The following COL5A2 variants were observed in gnomAD, a reference collection of about 807,000 sequenced individuals.
COL5A2 encodes collagen type V alpha 2 chain.
Under a neutral mutation model 208.2 loss-of-function variants are expected in COL5A2, and 23 were observed. That is an observed-to-expected ratio of 0.11 (90% CI 0.08 to 0.16). The LOEUF is 0.16. COL5A2 is among the 10% of genes least tolerant of loss of function. The pLI, the probability that COL5A2 is intolerant of heterozygous loss-of-function variation, is 1.00. For synonymous variants in COL5A2, 625 were observed against 628.5 expected (o/e 0.99, Z 0.08); for missense variants, 1,590 against 1,956.4 (o/e 0.81, Z 3.53).
In COL5A2 at chr2:189,034,233, C is replaced by G; in HGVS notation, c.4354-17G>C. 1 of 1,613,588 alleles carries G rather than the reference C, an allele frequency of 6.2e-7. No homozygotes were observed. Among genetic ancestry groups the G allele is most frequent in the Non-Finnish European group, 8.5e-7 (1 of 1,179,796 alleles). On this transcript the variant is annotated splice_polypyrimidine_tract_variant and intron_variant, in intron 53 of 53. Coordinates refer to ENST00000374866, the MANE Select transcript of COL5A2 (RefSeq NM_000393.5). ...ATTCCGCTTCTGAAATTAAATGATG[C>G]AATGGGTTAAATGTACATACAATTT... is the stretch of plus-strand genomic sequence containing the variant.
chr2:189,323,233 T>G, the COL5A2 span, among the ~76,000 whole-genome samples: 1 of 152,094 alleles, frequency 6.6e-6, no homozygotes, highest in Admixed American at 6.6e-5. Context: ...GGGCAAAAAC[T>G]GGGAGCATTC....
At chr2:189,433,941 C>G in the COL5A2 span, among the ~76,000 whole-genome samples, 1 of 152,198 alleles carries the variant, frequency 6.6e-6, no homozygotes, top group Non-Finnish European at 1.5e-5. Flanking sequence ...CAATAAAATA[C>G]TGGCAAACCA....
chr2:189,274,064 C>G, the COL5A2 span, among the ~76,000 whole-genome samples: 7 of 151,930 alleles, frequency 4.6e-5, no homozygotes, highest in Non-Finnish European at 1.0e-4. Flanking sequence ...CTTGATTTAG[C>G]TGTTCTACAA....
At chr2:189,178,413 T>C (rs1688718357) in intron 1 of COL5A2, among the ~76,000 whole-genome samples, 1 of 151,942 alleles carries the variant, frequency 6.6e-6, no homozygotes, top group Non-Finnish European at 1.5e-5. Flanking sequence ...TGTATGTATG[T>C]GTCTATATAT....
At chr2:189,317,197 G>C in the COL5A2 span, among the ~76,000 whole-genome samples, 1 of 152,024 alleles carries the variant, frequency 6.6e-6, no homozygotes, top group African/African-American at 2.4e-5. Context: ...AGGTTCCTAA[G>C]ATTACTTTAT....
the COL5A2 span, among the ~76,000 whole-genome samples, chr2:189,258,059 A>G: frequency 6.6e-6 from 1 of 152,164 alleles, no homozygotes; most frequent in East Asian, 1.9e-4. Flanking sequence ...GCTTGCAGTG[A>G]GCCGATATCG....
intron 1 of COL5A2, among the ~76,000 whole-genome samples, chr2:189,189,629 G>T (rs1246133177): frequency 1.3e-5 from 2 of 152,054 alleles, no homozygotes; most frequent in Non-Finnish European, 2.9e-5. Flanking sequence ...TCCAGCCTGG[G>T]TAACAGTACA....
At chr2:189,035,704 T>G (rs1464026477) in intron 52 of COL5A2, among the ~76,000 whole-genome samples, 3 of 152,160 alleles carry the variant, frequency 2.0e-5, no homozygotes, top group African/African-American at 4.8e-5. Context: ...CAACTATTTA[T>G]ATTTAAAATT....
At chr2:189,364,177 A>G in the COL5A2 span, among the ~76,000 whole-genome samples, 14 of 152,220 alleles carry the variant, frequency 9.2e-5, no homozygotes, top group Non-Finnish European at 1.9e-4. Flanking sequence ...AATTTTGTGA[A>G]ATAGTATTTA....
chr2:189,329,694 C>A, the COL5A2 span, among the ~76,000 whole-genome samples: 25 of 152,164 alleles, frequency 1.6e-4, no homozygotes, highest in African/African-American at 6.0e-4. Context: ...ACCTCTTAAG[C>A]TCTCAAAACC....
intron 44 of COL5A2, among the ~76,000 whole-genome samples, chr2:189,048,623 A>G (rs1314413499): frequency 6.6e-6 from 1 of 152,240 alleles, no homozygotes; most frequent in East Asian, 1.9e-4. Context: ...AAATATCCTT[A>G]AAGTTTTGAA....
At chr2:189,201,593 C>T (rs1689068618) in intron 1 of COL5A2, among the ~76,000 whole-genome samples, 1 of 151,816 alleles carries the variant, frequency 6.6e-6, no homozygotes, top group African/African-American at 2.4e-5. Context: ...TAGAAATTAC[C>T]TTGATTCTAA....
the COL5A2 span, among the ~76,000 whole-genome samples, chr2:189,294,090 G>GAAA: frequency 6.2e-4 from 30 of 48,154 alleles, no homozygotes; most frequent in South Asian, 1.3e-3. Flanking sequence ...TCCGTCTCAA[G>GAAA]AAAAAAAAAA....
the COL5A2 span, among the ~76,000 whole-genome samples, chr2:189,398,870 A>T: frequency 6.6e-6 from 1 of 152,092 alleles, no homozygotes; most frequent in Admixed American, 6.6e-5. Context: ...TTAGTTACAC[A>T]TTCTTTTTAC....
chr2:189,069,519 G>C (rs1686224808), intron 18 of COL5A2, among the ~76,000 whole-genome samples: 1 of 152,124 alleles, frequency 6.6e-6, no homozygotes, highest in Admixed American at 6.5e-5. Context: ...TAAAGAGGTT[G>C]TTTCTGTTCA....
intron 48 of COL5A2, 28 bp from the exon 49 acceptor site, chr2:189,042,801 GC>G (rs1419570490): frequency 1.3e-6 from 2 of 1,593,754 alleles, no homozygotes; most frequent in Non-Finnish European, 8.6e-7. Flanking sequence ...AAAAAATGTT[GC>G]CAAAATATTT....
intron 9 of COL5A2, 32 bp from the exon 10 acceptor site, chr2:189,085,804 C>T (rs993663548): frequency 6.4e-7 from 1 of 1,561,376 alleles, no homozygotes; most frequent in African/African-American, 1.4e-5. Context: ...ATATACAAAC[C>T]AAGGAAAAAT....
chr2:189,239,588 G>A, the COL5A2 span, among the ~76,000 whole-genome samples: 1 of 133,198 alleles, frequency 7.5e-6, no homozygotes, highest in South Asian at 2.4e-4. Flanking sequence ...ATGGACACAG[G>A]AAGGGGAACA....
chr2:189,249,177 T>G, the COL5A2 span, among the ~76,000 whole-genome samples: 1 of 152,230 alleles, frequency 6.6e-6, no homozygotes, highest in Admixed American at 6.5e-5. Flanking sequence ...CTAAGATGGC[T>G]ATTGAAATTT....
Sources: gnomAD v4.1 joint callset for allele counts (sites outside exome capture counted in the v4.1 genomes callset) on GRCh38, gnomAD v4.1.1 for gene constraint, MANE v1.5 for transcripts, NCBI Gene and HGNC (gene_info 2026-07-23, HGNC 2026-07-21) for gene names.